LRRC4C: variants seen among roughly 807,000 people sequenced by gnomAD.
LRRC4C encodes leucine-rich repeat-containing protein 4C.
Under a neutral mutation model 33.6 loss-of-function variants are expected in LRRC4C, and 5 were observed. The observed-to-expected ratio is 0.15, with a 90% CI of 0.08 to 0.31. LRRC4C has a LOEUF of 0.31. Among genes scored for constraint, LRRC4C ranks in the 10% least tolerant of loss-of-function variants. The pLI is 1.00. For synonymous variants in LRRC4C, 329 were observed against 302.0 expected, an observed-to-expected ratio of 1.09 and a Z score of -0.93; for missense variants, 560 against 796.7, an observed-to-expected ratio of 0.70 and a Z score of 3.58.
chr11:40,885,580 C>T (rs1955416995), intron 2 of LRRC4C, among the ~76,000 whole-genome samples: 1 of 152,040 alleles, frequency 6.6e-6, no homozygotes, highest in Admixed American at 6.6e-5. Flanking sequence ...GGTAAACAGC[C>T]TCACAGTAAA....
chr11:41,274,472 T>C (rs757802479), intron 1 of LRRC4C, among the ~76,000 whole-genome samples: 2 of 152,060 alleles, frequency 1.3e-5, no homozygotes, highest in East Asian at 1.9e-4. Flanking sequence ...ATGGACCAGA[T>C]GTGGAGTGAT....
intron 1 of LRRC4C, among the ~76,000 whole-genome samples, chr11:41,338,386 C>T (rs1951523584): frequency 6.6e-6 from 1 of 151,972 alleles, no homozygotes; most frequent in Admixed American, 6.6e-5. Flanking sequence ...AGATCATGTC[C>T]CTTGCAGGGA....
At chr11:40,166,818 A>T (rs1810403840) in intron 5 of LRRC4C, among the ~76,000 whole-genome samples, 1 of 152,146 alleles carries the variant, frequency 6.6e-6, no homozygotes. Context: ...GGAGTGCATT[A>T]TATACTGTAT....
intron 1 of LRRC4C, among the ~76,000 whole-genome samples, chr11:41,273,835 G>A (rs1287811365): frequency 2.6e-5 from 4 of 152,152 alleles, no homozygotes; most frequent in African/African-American, 7.2e-5. Flanking sequence ...TCACAGGTGT[G>A]AGAATATGTC....
chr11:41,138,401 G>A (rs1943357449), intron 1 of LRRC4C, among the ~76,000 whole-genome samples: 1 of 152,124 alleles, frequency 6.6e-6, no homozygotes, highest in African/African-American at 2.4e-5. Context: ...CACTAGACAG[G>A]GGACAGAAGG....
chr11:40,409,369 AC>A (rs1221113836), intron 3 of LRRC4C, among the ~76,000 whole-genome samples: 1 of 152,050 alleles, frequency 6.6e-6, no homozygotes, highest in African/African-American at 2.4e-5. Context: ...AGCAGAGGCA[AC>A]AAAAGCCAAA....
chr11:40,842,302 C>A (rs1952948707), intron 2 of LRRC4C, among the ~76,000 whole-genome samples: 1 of 152,116 alleles, frequency 6.6e-6, no homozygotes, highest in South Asian at 2.1e-4. Context: ...AGCCTCACAT[C>A]CCAACTCTTA....
chr11:40,334,638 T>C (rs1193600123), intron 3 of LRRC4C, among the ~76,000 whole-genome samples: 1 of 152,146 alleles, frequency 6.6e-6, no homozygotes, highest in Admixed American at 6.5e-5. Flanking sequence ...AGTCACCAGA[T>C]AAATCTATAA....
chr11:40,673,608 C>T (rs765336827), intron 2 of LRRC4C, among the ~76,000 whole-genome samples: 5 of 152,140 alleles, frequency 3.3e-5, no homozygotes, highest in African/African-American at 9.7e-5. Flanking sequence ...GTGCTTTATA[C>T]AGTAGTTCAC....
intron 3 of LRRC4C, among the ~76,000 whole-genome samples, chr11:40,548,058 A>G (rs915203323): frequency 6.6e-6 from 1 of 152,088 alleles, no homozygotes; most frequent in African/African-American, 2.4e-5. Context: ...AATGCTATTG[A>G]CTGGATCAAA....
chr11:41,284,327 A>G (rs1437563446), intron 1 of LRRC4C, among the ~76,000 whole-genome samples: 3 of 152,240 alleles, frequency 2.0e-5, no homozygotes, highest in Non-Finnish European at 4.4e-5. Flanking sequence ...CACAAATGTA[A>G]GTAATGAATA....
chr11:41,077,761 A>C (rs551291738), intron 1 of LRRC4C, among the ~76,000 whole-genome samples: 4 of 152,162 alleles, frequency 2.6e-5, no homozygotes, highest in African/African-American at 9.7e-5. Context: ...AGCAGGCTTA[A>C]ATTTCTTCTC....
chr11:41,093,466 A>T (rs914704808), intron 1 of LRRC4C, among the ~76,000 whole-genome samples: 21 of 152,152 alleles, frequency 1.4e-4, no homozygotes, highest in Non-Finnish European at 2.5e-4. Flanking sequence ...TTTTGGCCTA[A>T]TTTTTTTGTT....
chr11:40,826,377 C>T (rs1406535258), intron 2 of LRRC4C, among the ~76,000 whole-genome samples: 1 of 151,902 alleles, frequency 6.6e-6, no homozygotes, highest in Non-Finnish European at 1.5e-5. Context: ...TCACCAATTA[C>T]TGTGAATAGA....
At position 40,627,625 on chromosome 11, in the gene LRRC4C, G is replaced by A. The variant is rs571122222; in HGVS notation, c.-270+20517C>T. Among the ~76,000 whole-genome samples, 9 of 152,302 alleles carry A rather than the reference G, an allele frequency of 5.9e-5. No homozygotes were observed. The South Asian group carries it at 1.9e-3, about 32-fold the overall frequency. ...AATGTCTTCTTCCAGGTAGCACATA[G>A]AGAAGAGTTTGCACCTTTAATGTAT... On this transcript the variant is annotated intron_variant, in intron 3 of 6. Transcript: ENST00000528697.
intron 1 of LRRC4C, among the ~76,000 whole-genome samples, chr11:41,300,794 T>A (rs1228751644): frequency 6.6e-6 from 1 of 152,200 alleles, no homozygotes; most frequent in Non-Finnish European, 1.5e-5. Flanking sequence ...CTTGCACCTC[T>A]GCCCTTGAAA....
intron 3 of LRRC4C, among the ~76,000 whole-genome samples, chr11:40,628,521 A>G (rs567481901): frequency 1.3e-3 from 191 of 150,836 alleles, no homozygotes; most frequent in African/African-American, 4.0e-3. Context: ...CTAATTCATC[A>G]TCTTTTAGAG....
intron 5 of LRRC4C, among the ~76,000 whole-genome samples, chr11:40,215,247 C>T (rs1376944502): frequency 3.3e-5 from 5 of 152,124 alleles, no homozygotes; most frequent in Non-Finnish European, 7.4e-5. Flanking sequence ...ATATTATCTC[C>T]ACTTTACAGA....
chr11:40,667,869 G>A (rs944331164), intron 2 of LRRC4C, among the ~76,000 whole-genome samples: 5 of 152,162 alleles, frequency 3.3e-5, no homozygotes, highest in East Asian at 1.9e-4. Flanking sequence ...AGCTGTGCCC[G>A]GACTCTGAAT....
Sources: allele counts gnomAD v4.1 joint callset (sites outside exome capture counted in the v4.1 genomes callset), GRCh38; gene constraint gnomAD v4.1.1; transcripts MANE v1.5; gene names NCBI Gene and HGNC (gene_info 2026-07-23, HGNC 2026-07-21).